CYP19A1: variants seen among roughly 807,000 people sequenced by gnomAD.
CYP19A1 encodes cytochrome P450 family 19 subfamily A member 1, also known as aromatase.
CYP19A1 carries 32 observed loss-of-function variants against 44.4 expected under a neutral mutation model. The ratio of observed to expected loss-of-function variants is 0.72; its 90% confidence interval spans 0.54 to 0.97. CYP19A1 has a LOEUF of 0.97. Ranked by LOEUF, CYP19A1 falls within the 50% of genes least tolerant of loss-of-function variation. The pLI, the probability that CYP19A1 is intolerant of heterozygous loss-of-function variation, is 0.00. For synonymous variants in CYP19A1, 212 were observed against 215.6 expected, an observed-to-expected ratio of 0.98 and a Z score of 0.14; for missense variants, 598 against 637.8, an observed-to-expected ratio of 0.94 and a Z score of 0.67.
chr15:51,253,892 G>T (rs1443085253), intron 1 of CYP19A1, among the ~76,000 whole-genome samples: 1 of 152,160 alleles, frequency 6.6e-6, no homozygotes, highest in Non-Finnish European at 1.5e-5. Context: ...CTTGTTCTGG[G>T]CCTTGAAATG....
intron 1 of CYP19A1, among the ~76,000 whole-genome samples, chr15:51,268,253 C>T (rs776469324): frequency 8.5e-5 from 13 of 152,194 alleles, no homozygotes; most frequent in Non-Finnish European, 1.5e-4. Flanking sequence ...TGTCACCCAT[C>T]CTTCCTCCAC....
In CYP19A1 at chr15:51,294,527, A is replaced by G. The variant is rs79904636; in HGVS notation, c.-39+43968T>C. ...AGCCCCTCCGCCCGGCAGCCGCCCC[A>G]TCTGGGAAGTGAGGAGCGTCTCCGC... is the stretch of plus-strand genomic sequence containing the variant. On this transcript the variant is annotated intron_variant, in intron 1 of 9. Transcript: ENST00000396402. Among the ~76,000 whole-genome samples the G allele has an allele frequency of 9.1e-5, 12 of 132,566 alleles. No homozygotes were observed. The South Asian group carries it at 1.1e-3, about 12-fold the overall frequency. The allele number at this position is 132,566 out of a possible 152,430, so 87.0% of individuals were successfully genotyped here. A position where few individuals can be genotyped will look rare whatever the true frequency, so the allele number is the denominator to read the frequency against.
rs768558411 is a variant in CYP19A1, at chr15:51,215,176, G to A, written c.915C>T (p.Ile305=). 2.8e-5 allele frequency: 45 copies of A among 1,613,972 alleles called. No homozygotes were observed. The highest frequency in any genetic ancestry group is 3.3e-5 in the Admixed American group (2 of 59,998). ...NVNQCILEML[I]AAPDTMSVSL... is the part of the protein sequence containing the mutation. ...AGACAGACATGGTGTCAGGAGCTGC[G>A]ATCAGCATTTCCAATATGCACTGGT... Residue 305 remains isoleucine, a synonymous_variant, in exon 8 of 10, where the codon ATC becomes ATT. Coordinates refer to ENST00000396402, the MANE Select transcript of CYP19A1 (RefSeq NM_000103.4).
chr15:51,330,819 G>A (rs144768993), intron 1 of CYP19A1, among the ~76,000 whole-genome samples: 45 of 152,304 alleles, frequency 3.0e-4, no homozygotes, highest in Admixed American at 7.8e-4. Flanking sequence ...GTGATGAAGA[G>A]CTTTGAAAGT....
chr15:51,291,007 G>A lies in CYP19A1; in HGVS notation c.-39+47488C>T, dbSNP rs557272539. ...CCAACCTCCAGATTGGAGGCTTTGG[G>A]ATAGACACGGGCTACCCTGGTTACC... On this transcript the variant is annotated intron_variant, in intron 1 of 9. Transcript: ENST00000396402. Among the ~76,000 whole-genome samples, 10 of 152,316 alleles carry A rather than the reference G, an allele frequency of 6.6e-5. No individual in the cohort carries two copies. In the South Asian group the frequency reaches 2.1e-3, roughly 32 times the overall value.
chr15:51,214,999 T>A, intron 8 of CYP19A1, 71 bp downstream of exon 8: 1 of 1,549,916 alleles, frequency 6.5e-7, no homozygotes, highest in Non-Finnish European at 8.7e-7. Context: ...TATCAGATTC[T>A]TAGGACATAA....
intron 1 of CYP19A1, among the ~76,000 whole-genome samples, chr15:51,297,974 G>A (rs1278814077): frequency 6.6e-6 from 1 of 152,098 alleles, no homozygotes; most frequent in African/African-American, 2.4e-5. Flanking sequence ...AGGAATGGGG[G>A]AAGATGTAGG....
At chr15:51,270,861 C>T (rs1436817260) in intron 1 of CYP19A1, among the ~76,000 whole-genome samples, 1 of 152,136 alleles carries the variant, frequency 6.6e-6, no homozygotes, top group Admixed American at 6.5e-5. Flanking sequence ...GACCGACTGT[C>T]TTGTGTTCAT....
At chr15:51,242,452 G>A (rs2033826357) in intron 2 of CYP19A1, among the ~76,000 whole-genome samples, 4 of 151,962 alleles carry the variant, frequency 2.6e-5, no homozygotes, top group Admixed American at 2.6e-4. Flanking sequence ...AAGTTAACCA[G>A]AAAACCCTGG....
chr15:51,299,271 G>T (rs865787883), intron 1 of CYP19A1, among the ~76,000 whole-genome samples: 1 of 152,224 alleles, frequency 6.6e-6, no homozygotes, highest in Non-Finnish European at 1.5e-5. Context: ...AGACAAAGGC[G>T]ATTCATTCAC....
chr15:51,301,732 G>A (rs1007664075), intron 1 of CYP19A1, among the ~76,000 whole-genome samples: 9 of 152,238 alleles, frequency 5.9e-5, no homozygotes, highest in African/African-American at 2.2e-4. Flanking sequence ...GCAAGGCTAG[G>A]GTTACTGCTG....
chr15:51,314,197 C>T (rs1213940854), intron 1 of CYP19A1: 1 of 152,202 alleles, frequency 6.6e-6, no homozygotes, highest in Non-Finnish European at 1.5e-5. Context: ...GCTGGCCTCA[C>T]TCACCAGTGC....
intron 8 of CYP19A1, among the ~76,000 whole-genome samples, chr15:51,213,102 A>C (rs1460171693): frequency 6.6e-6 from 1 of 152,174 alleles, no homozygotes; most frequent in Admixed American, 6.5e-5. Flanking sequence ...GAGATGGCAG[A>C]TTTGATCTAT....
chr15:51,320,120 C>T (rs1210848512), intron 1 of CYP19A1: 1 of 152,366 alleles, frequency 6.6e-6, no homozygotes, highest in Non-Finnish European at 1.5e-5. Flanking sequence ...ACTCAAATCT[C>T]CCCATCCAAT....
At chr15:51,230,695 T>C (rs948440436) in intron 3 of CYP19A1, among the ~76,000 whole-genome samples, 9 of 151,192 alleles carry the variant, frequency 6.0e-5, no homozygotes, top group Non-Finnish European at 8.8e-5. Flanking sequence ...CTCAGCTAAT[T>C]GCAAACTCCA....
chr15:51,212,268 A>G (rs1324512060), intron 9 of CYP19A1, 52 bp downstream of exon 9: 2 of 1,276,886 alleles, frequency 1.6e-6, no homozygotes, highest in Admixed American at 3.4e-5. Context: ...AGAGGATTTA[A>G]CAGTTGACAT....
At chr15:51,297,464 T>C (rs1425354928) in intron 1 of CYP19A1, among the ~76,000 whole-genome samples, 1 of 152,216 alleles carries the variant, frequency 6.6e-6, no homozygotes, top group Non-Finnish European at 1.5e-5. Flanking sequence ...AAGCGTTCAA[T>C]GCCTTCCTGA....
intron 1 of CYP19A1, among the ~76,000 whole-genome samples, chr15:51,267,428 G>A (rs551675755): frequency 1.3e-5 from 2 of 152,346 alleles, no homozygotes. Context: ...TGCTAGTTAA[G>A]TTGCGCTGGC....
intron 1 of CYP19A1, among the ~76,000 whole-genome samples, chr15:51,326,937 C>T (rs2036617303): frequency 6.6e-6 from 1 of 152,178 alleles, no homozygotes; most frequent in South Asian, 2.1e-4. Flanking sequence ...AACTAGCTTG[C>T]CCATGACCAT....
Sources: gnomAD v4.1 joint callset for allele counts (sites outside exome capture counted in the v4.1 genomes callset) on GRCh38, gnomAD v4.1.1 for gene constraint, MANE v1.5 for transcripts, NCBI Gene and HGNC (gene_info 2026-07-23, HGNC 2026-07-21) for gene names.